The following ST6GALNAC3 variants were observed in gnomAD, a reference collection of about 807,000 sequenced individuals.
ST6GALNAC3 encodes the protein alpha-N-acetylgalactosaminide alpha-2,6-sialyltransferase 3.
ST6GALNAC3 carries 25 observed loss-of-function variants against 32.7 expected under a neutral mutation model. The observed-to-expected ratio is 0.76, with a 90% CI of 0.56 to 1.07. The LOEUF is 1.07. Ranked by LOEUF, ST6GALNAC3 falls within the 50% of genes least tolerant of loss-of-function variation. The pLI is 0.00. For missense variants in ST6GALNAC3, 355 were observed against 382.4 expected (o/e 0.93, Z 0.60); for synonymous variants, 129 against 133.1 (o/e 0.97, Z 0.21).
At chr1:76,491,784 A>C (rs6685154) in intron 3 of ST6GALNAC3, among the ~76,000 whole-genome samples, 57,312 of 152,116 alleles carry the variant, frequency 0.38, 16,141 homozygotes, top group African/African-American at 0.8. Context: ...GAAGAGGGAC[A>C]TCAAAGTACA....
At chr1:76,388,054 G>A (rs1652235766) in intron 2 of ST6GALNAC3, among the ~76,000 whole-genome samples, 1 of 151,896 alleles carries the variant, frequency 6.6e-6, no homozygotes, top group South Asian at 2.1e-4. Flanking sequence ...GATTTGCTCT[G>A]CTTCTCTTCT....
chr1:76,622,532 G>A (rs994501142), intron 3 of ST6GALNAC3, among the ~76,000 whole-genome samples: 2 of 151,842 alleles, frequency 1.3e-5, no homozygotes, highest in African/African-American at 4.8e-5. Flanking sequence ...AGGCCCTGGG[G>A]AGTCAAGAAA....
At chr1:76,335,035 C>T (rs1036573000) in intron 2 of ST6GALNAC3, among the ~76,000 whole-genome samples, 2 of 152,118 alleles carry the variant, frequency 1.3e-5, no homozygotes, top group Non-Finnish European at 2.9e-5. Flanking sequence ...TGTATATATA[C>T]TTTAAAAAGA....
intron 1 of ST6GALNAC3, among the ~76,000 whole-genome samples, chr1:76,122,819 G>T (rs1318219186): frequency 6.6e-6 from 1 of 152,178 alleles, no homozygotes; most frequent in African/African-American, 2.4e-5. Flanking sequence ...AGCTCAGCCA[G>T]ACTCTGTTGT....
chr1:76,180,011 C>A (rs946475843), intron 1 of ST6GALNAC3, among the ~76,000 whole-genome samples: 1 of 152,188 alleles, frequency 6.6e-6, no homozygotes, highest in Non-Finnish European at 1.5e-5. Context: ...CTTCACTGCA[C>A]ATTTCATCAT....
At chr1:76,383,243 C>T (rs564503495) in intron 2 of ST6GALNAC3, among the ~76,000 whole-genome samples, 8 of 152,008 alleles carry the variant, frequency 5.3e-5, no homozygotes, top group Non-Finnish European at 1.0e-4. Flanking sequence ...AGCAAACCCA[C>T]ATTAAAATAT....
intron 1 of ST6GALNAC3, among the ~76,000 whole-genome samples, chr1:76,107,652 G>A (rs577959571): frequency 8.5e-5 from 13 of 152,146 alleles, no homozygotes; most frequent in African/African-American, 3.1e-4. Context: ...TTGCGATTGA[G>A]CCCTCTTTTC....
chr1:76,226,121 T>C (rs1004073450), intron 1 of ST6GALNAC3, among the ~76,000 whole-genome samples: 1 of 152,172 alleles, frequency 6.6e-6, no homozygotes, highest in Non-Finnish European at 1.5e-5. Context: ...GTAAATCAAT[T>C]GCACCCAGAC....
intron 2 of ST6GALNAC3, among the ~76,000 whole-genome samples, chr1:76,349,320 A>G (rs1261354939): frequency 6.6e-6 from 1 of 152,150 alleles, no homozygotes; most frequent in Non-Finnish European, 1.5e-5. Context: ...ATTGGCGTGG[A>G]GGAGACCACT....
chr1:76,282,194 GC>G (rs1352931383), intron 1 of ST6GALNAC3, among the ~76,000 whole-genome samples: 15 of 151,660 alleles, frequency 9.9e-5, no homozygotes, highest in African/African-American at 3.6e-4. Context: ...CCTTTGTCCT[GC>G]CTTGAGAGAC....
chr1:76,473,813 T>C (rs1342388668), intron 3 of ST6GALNAC3, among the ~76,000 whole-genome samples: 2 of 152,130 alleles, frequency 1.3e-5, no homozygotes, highest in Admixed American at 1.3e-4. Context: ...TTTCCTCCTA[T>C]TGAATCTGAG....
intron 2 of ST6GALNAC3, among the ~76,000 whole-genome samples, chr1:76,408,837 T>G (rs1252356934): frequency 6.6e-6 from 1 of 152,100 alleles, no homozygotes; most frequent in Non-Finnish European, 1.5e-5. Flanking sequence ...AAGCAACTTC[T>G]TGGAATAGCA....
At chr1:76,588,976 A>G (rs1647004742) in intron 3 of ST6GALNAC3, among the ~76,000 whole-genome samples, 1 of 152,188 alleles carries the variant, frequency 6.6e-6, no homozygotes, top group Admixed American at 6.5e-5. Context: ...AATTCCAAGT[A>G]TTAAATTTTC....
chr1:76,587,891 A>G (rs1022766959), intron 3 of ST6GALNAC3, among the ~76,000 whole-genome samples: 1 of 152,148 alleles, frequency 6.6e-6, no homozygotes, highest in Non-Finnish European at 1.5e-5. Context: ...TGGCAGCACC[A>G]GTTCTCCATA....
intron 2 of ST6GALNAC3, among the ~76,000 whole-genome samples, chr1:76,326,808 A>C (rs1347675650): frequency 7.2e-6 from 1 of 138,998 alleles, no homozygotes; most frequent in African/African-American, 2.6e-5. Flanking sequence ...TCTTCTAATT[A>C]AGTTCTGGAA....
chr1:76,197,280 T>C (rs1654257666), intron 1 of ST6GALNAC3, among the ~76,000 whole-genome samples: 2 of 152,348 alleles, frequency 1.3e-5, no homozygotes, highest in Middle Eastern at 3.4e-3. Context: ...AAATCCTACA[T>C]TCACTTAACA....
intron 2 of ST6GALNAC3, among the ~76,000 whole-genome samples, chr1:76,346,619 G>A (rs1450555755): frequency 6.6e-6 from 1 of 152,196 alleles, no homozygotes; most frequent in African/African-American, 2.4e-5. Flanking sequence ...CAGAGGCAGT[G>A]GGGTATGGTG....
chr1:76,169,305 G>C (rs1652323844), intron 1 of ST6GALNAC3, among the ~76,000 whole-genome samples: 1 of 152,186 alleles, frequency 6.6e-6, no homozygotes, highest in African/African-American at 2.4e-5. Flanking sequence ...TAGAGTTTCT[G>C]CTGAGAGGTC....
chr1:76,326,202 G>C (rs775395846), intron 2 of ST6GALNAC3, among the ~76,000 whole-genome samples: 7 of 152,130 alleles, frequency 4.6e-5, no homozygotes, highest in Non-Finnish European at 1.5e-5. Context: ...GCCACCTGGG[G>C]CATATTCTTC....
Sources: allele counts gnomAD v4.1 joint callset (sites outside exome capture counted in the v4.1 genomes callset), GRCh38; gene constraint gnomAD v4.1.1; transcripts MANE v1.5; gene names NCBI Gene and HGNC (gene_info 2026-07-23, HGNC 2026-07-21).